The following METTL15 variants were observed in gnomAD, a reference collection of about 807,000 sequenced individuals.
METTL15 encodes methyltransferase 15, mitochondrial 12S rRNA N4-cytidine, also known as 12S rRNA N(4)-cytidine methyltransferase METTL15.
A neutral mutation model predicts 38.3 loss-of-function variants in METTL15; 34 were observed. The observed-to-expected ratio is 0.89, with a 90% CI of 0.68 to 1.18. The LOEUF is 1.18. Among genes scored for constraint, METTL15 ranks in the 50% most tolerant of loss-of-function variants. METTL15 has a pLI of 0.00. For synonymous variants in METTL15, 162 were observed against 170.9 expected (o/e 0.95, Z 0.41); for missense variants, 438 against 498.4 (o/e 0.88, Z 1.15).
At chr11:28,131,633 A>G (rs1435425788) in intron 3 of METTL15, among the ~76,000 whole-genome samples, 2 of 148,464 alleles carry the variant, frequency 1.3e-5, no homozygotes, top group East Asian at 4.0e-4. Flanking sequence ...TAATCTTTGT[A>G]TTTCTGTTTG....
chr11:28,337,035 A>G (rs922734453), downstream of METTL15, among the ~76,000 whole-genome samples: 1 of 152,136 alleles, frequency 6.6e-6, no homozygotes, highest in South Asian at 2.1e-4. Flanking sequence ...CATCTAGGCT[A>G]ATGTGTGCAT....
chr11:28,507,169 A>G (rs1460795864), intron 6 of METTL15, among the ~76,000 whole-genome samples: 3 of 152,154 alleles, frequency 2.0e-5, no homozygotes, highest in African/African-American at 4.8e-5. Flanking sequence ...TTGCATTGCT[A>G]TGAAGAGCTA....
chr11:28,492,594 A>C (rs1329624074), intron 6 of METTL15, among the ~76,000 whole-genome samples: 1 of 152,028 alleles, frequency 6.6e-6, no homozygotes, highest in Non-Finnish European at 1.5e-5. Flanking sequence ...TGTCATGAGC[A>C]ATTCGTGATT....
At position 28,431,128 on chromosome 11, in the gene METTL15, G is replaced by C. The variant is rs1454721098; in HGVS notation, c.*424+6764G>C. Among the ~76,000 whole-genome samples the C allele has an allele frequency of 8.0e-5, 6 of 74,894 alleles. 2 individuals are homozygous for C. The highest frequency in any genetic ancestry group is 2.3e-4 in the African/African-American group (6 of 25,780). 49.1% of individuals were successfully genotyped at this position (74,894 alleles called of 152,430 possible). On this transcript the variant is annotated intron_variant and NMD_transcript_variant, in intron 6 of 7. Coordinates refer to the METTL15 transcript ENST00000532947. ...TGGGAAGTGAGGAGCCCCTCTGCCCGGCCAGCCGCCCCATCCGGGAGGGAG... is the reference window on the plus strand; with the variant it reads ...TGGGAAGTGAGGAGCCCCTCTGCCCCGCCAGCCGCCCCATCCGGGAGGGAG...
chr11:28,294,562 G>A (rs1174032873), intron 5 of METTL15, among the ~76,000 whole-genome samples: 1 of 152,168 alleles, frequency 6.6e-6, no homozygotes, highest in Non-Finnish European at 1.5e-5. Context: ...GAATTTGAGA[G>A]TCTAGTTCTG....
intron 6 of METTL15, among the ~76,000 whole-genome samples, chr11:28,330,113 T>C (rs1189810553): frequency 2.0e-5 from 3 of 152,188 alleles, no homozygotes; most frequent in African/African-American, 7.2e-5. Flanking sequence ...AGAAGGATTT[T>C]GTTATTATTT....
chr11:28,367,380 A>C (rs968842506), intron 5 of METTL15, among the ~76,000 whole-genome samples: 10 of 152,172 alleles, frequency 6.6e-5, no homozygotes, highest in Admixed American at 6.5e-4. Context: ...AAAATGTTTG[A>C]GAGGACCCTA....
intron 3 of METTL15, 55 bp from the exon 4 acceptor site, chr11:28,211,007 C>T: frequency 6.5e-7 from 1 of 1,529,992 alleles, no homozygotes; most frequent in East Asian, 2.3e-5. Context: ...AGATAGTTGT[C>T]AAGAATAAGT....
chr11:28,320,578 A>T (rs368973822), intron 6 of METTL15, among the ~76,000 whole-genome samples: 1 of 151,982 alleles, frequency 6.6e-6, no homozygotes. Context: ...CAAAAAAAAT[A>T]CCTGTGCAGA....
intron 6 of METTL15, chr11:28,424,426 G>T (rs1342649386): frequency 6.6e-6 from 1 of 152,110 alleles, no homozygotes; most frequent in Non-Finnish European, 1.5e-5. Flanking sequence ...ATAACCTGAG[G>T]TAAAAGGGTA....
intron 6 of METTL15, among the ~76,000 whole-genome samples, chr11:28,310,878 A>ATGCTGC (rs878913369): frequency 0.031 from 2,001 of 64,722 alleles, 380 homozygotes; most frequent in African/African-American, 0.064. Context: ...CCTAGCTTAA[A>ATGCTGC]TGCTGCTGCT....
chr11:28,473,735 C>T (rs529800118), intron 6 of METTL15, among the ~76,000 whole-genome samples: 44 of 152,114 alleles, frequency 2.9e-4, no homozygotes, highest in Non-Finnish European at 5.1e-4. Context: ...CACAATTTTG[C>T]ATTTGCTTCA....
intron 4 of METTL15, among the ~76,000 whole-genome samples, chr11:28,269,369 A>G (rs1419552865): frequency 3.3e-5 from 5 of 152,054 alleles, no homozygotes; most frequent in Admixed American, 6.6e-5. Flanking sequence ...CACATGCTTT[A>G]TATCCTTAAA....
At chr11:28,228,659 A>T (rs1853574249) in intron 4 of METTL15, among the ~76,000 whole-genome samples, 1 of 151,928 alleles carries the variant, frequency 6.6e-6, no homozygotes, top group East Asian at 1.9e-4. Context: ...CTTATTGTTG[A>T]TGAAGTGTCT....
At chr11:28,217,746 G>A (rs1171808354) in intron 4 of METTL15, among the ~76,000 whole-genome samples, 1 of 152,194 alleles carries the variant, frequency 6.6e-6, no homozygotes, top group Non-Finnish European at 1.5e-5. Context: ...GGAGGTGTAA[G>A]GAAGGGATCC....
intron 3 of METTL15, among the ~76,000 whole-genome samples, chr11:28,143,977 G>C (rs1460092199): frequency 1.3e-5 from 2 of 152,128 alleles, no homozygotes; most frequent in Non-Finnish European, 2.9e-5. Flanking sequence ...TTCCAGGTTA[G>C]GTTCTGCTCC....
intron 3 of METTL15, among the ~76,000 whole-genome samples, chr11:28,167,844 C>T (rs1299997778): frequency 1.3e-5 from 2 of 151,516 alleles, no homozygotes; most frequent in Non-Finnish European, 2.9e-5. Flanking sequence ...CTTAGATTTT[C>T]TTTTATCCAA....
At position 28,525,789 on chromosome 11, in the gene METTL15, G is replaced by A. The variant is rs546834516; in HGVS notation, c.*425-689G>A. Among the ~76,000 whole-genome samples the A allele has an allele frequency of 2.9e-4, 44 of 152,386 alleles. No homozygotes were observed. The East Asian group carries it at 4.6e-3, about 16-fold the overall frequency. The stretch of plus-strand genomic sequence containing the variant: ...TGGAGCTGCCTGCCAGTACCGCGCC[G>A]TGCACCCGCACTCCTCAGCCTTTGG... On this transcript the variant is annotated intron_variant and NMD_transcript_variant, in intron 6 of 7. Transcript: ENST00000532947.
chr11:28,529,546 T>C (rs1291485172), downstream of METTL15, among the ~76,000 whole-genome samples: 1 of 140,430 alleles, frequency 7.1e-6, no homozygotes, highest in African/African-American at 2.7e-5. Context: ...CTTTTCCCCC[T>C]ACTTCTTTCG....
Sources: gnomAD v4.1 joint callset for allele counts (sites outside exome capture counted in the v4.1 genomes callset) on GRCh38, gnomAD v4.1.1 for gene constraint, MANE v1.5 for transcripts, NCBI Gene and HGNC (gene_info 2026-07-23, HGNC 2026-07-21) for gene names.